The following ELOVL7 variants were observed in gnomAD, a reference collection of about 807,000 sequenced individuals.
ELOVL7 encodes very long chain fatty acid elongase 7.
A neutral mutation model predicts 35.7 loss-of-function variants in ELOVL7; 27 were observed. That is an observed-to-expected ratio of 0.76 (90% CI 0.56 to 1.04). The LOEUF is 1.04. Among genes scored for constraint, ELOVL7 ranks in the 50% least tolerant of loss-of-function variants. The probability of loss-of-function intolerance (pLI) is 0.00; values close to 1 mark genes in which losing one functional copy is unlikely to be tolerated. For missense variants in ELOVL7, 327 were observed against 340.8 expected, an observed-to-expected ratio of 0.96 and a Z score of 0.32; for synonymous variants, 113 against 114.6, an observed-to-expected ratio of 0.99 and a Z score of 0.09.
chr5:60,783,907 CT>C (rs1391293331), intron 3 of ELOVL7, among the ~76,000 whole-genome samples: 2 of 152,122 alleles, frequency 1.3e-5, no homozygotes, highest in Non-Finnish European at 2.9e-5. Context: ...CATGTACCTT[CT>C]TTTTGGCATC....
At chr5:60,788,153 A>G (rs773754741) in intron 2 of ELOVL7, among the ~76,000 whole-genome samples, 4 of 152,236 alleles carry the variant, frequency 2.6e-5, no homozygotes, top group Non-Finnish European at 4.4e-5. Context: ...AACTAAATAC[A>G]CTTGAAAATT....
chr5:60,841,301 C>T (rs1747157364), intron 1 of ELOVL7, among the ~76,000 whole-genome samples: 1 of 152,124 alleles, frequency 6.6e-6, no homozygotes, highest in Admixed American at 6.5e-5. Flanking sequence ...GCTGGGATTA[C>T]AGGGGCGAAC....
At chr5:60,804,153 T>C (rs911322813) in intron 1 of ELOVL7, among the ~76,000 whole-genome samples, 3 of 152,156 alleles carry the variant, frequency 2.0e-5, no homozygotes, top group Admixed American at 6.5e-5. Flanking sequence ...GCCAATGATA[T>C]AGCAACAGGC....
At chr5:60,806,938 TCA>T (rs1395780869) in intron 1 of ELOVL7, among the ~76,000 whole-genome samples, 4 of 152,198 alleles carry the variant, frequency 2.6e-5, no homozygotes, top group Non-Finnish European at 5.9e-5. Flanking sequence ...CCACAGAATT[TCA>T]CAGAGGCAAC....
intron 2 of ELOVL7, among the ~76,000 whole-genome samples, chr5:60,795,829 T>C (rs1198836914): frequency 8.1e-6 from 1 of 123,890 alleles, no homozygotes; most frequent in East Asian, 3.3e-4. Context: ...TTCTCTTCCG[T>C]GACCCACGGC....
Position 60,754,661 on chromosome 5 carries a change from G to A in ELOVL7, c.809C>T (p.Thr270Ile). Reference protein sequence around the residue: ...AYTKGQRLPKTVKNGTCKNKD... With the variant: ...AYTKGQRLPKIVKNGTCKNKD... ...GTTTTTGCAAGTTCCATTTTTCACAGTTTTGGGCAACCTCTGACCTTTGGT... is the reference window on the plus strand; with the variant it reads ...GTTTTTGCAAGTTCCATTTTTCACAATTTTGGGCAACCTCTGACCTTTGGT... Residue 270 changes from threonine to isoleucine, a missense_variant, in exon 9 of 9, where the codon ACT (threonine) becomes ATT (isoleucine). Thr to Ile is a moderately conservative substitution (Grantham distance 89). Coordinates refer to ENST00000508821, the MANE Select transcript of ELOVL7 (RefSeq NM_024930.3). 4 of 1,614,126 alleles carry A rather than the reference G, an allele frequency of 2.5e-6. No individual in the cohort carries two copies. The highest frequency in any genetic ancestry group is 3.4e-6 in the Non-Finnish European group (4 of 1,180,024).
intron 1 of ELOVL7, among the ~76,000 whole-genome samples, chr5:60,824,925 C>T (rs1746083758): frequency 6.6e-6 from 1 of 152,016 alleles, no homozygotes; most frequent in African/African-American, 2.4e-5. Context: ...GCCCTGACTA[C>T]CTCTCTGACC....
rs118185110 is a variant in ELOVL7 at position 60,798,519 on chromosome 5, G to A, written c.-35+661C>T. On this transcript the variant is annotated intron_variant, in intron 2 of 8. Coordinates refer to ENST00000508821, the MANE Select transcript of ELOVL7 (RefSeq NM_024930.3). ...CTAAAATAGTTTTCTACCACCTCAA[G>A]GAATAAAAGTTTGAAATAAAAATAA... Among the ~76,000 whole-genome samples the A allele has an allele frequency of 3.5e-3, 536 of 151,954 alleles. 6 individuals carry two copies. Among genetic ancestry groups the A allele is most frequent in the East Asian group, 0.03 (154 of 5,172 alleles).
At chr5:60,756,902 AAATTAAATATC>A (rs1384827299) in intron 8 of ELOVL7, among the ~76,000 whole-genome samples, 1 of 152,164 alleles carries the variant, frequency 6.6e-6, no homozygotes, top group Non-Finnish European at 1.5e-5. Flanking sequence ...GTCTCCAAAA[AAATTAAATATC>A]ATATATTTTG....
chr5:60,819,580 G>A (rs1344625445), intron 1 of ELOVL7, among the ~76,000 whole-genome samples: 1 of 152,074 alleles, frequency 6.6e-6, no homozygotes, highest in Non-Finnish European at 1.5e-5. Context: ...TCAGGAGTTT[G>A]AGACCAGCCT....
chr5:60,788,618 T>C (rs1048538564), intron 2 of ELOVL7, among the ~76,000 whole-genome samples: 6 of 151,428 alleles, frequency 4.0e-5, no homozygotes, highest in East Asian at 3.9e-4. Flanking sequence ...CTACTAAAAA[T>C]ACAAAAACCA....
intron 1 of ELOVL7, among the ~76,000 whole-genome samples, chr5:60,831,585 A>G (rs1159091144): frequency 1.3e-5 from 2 of 152,220 alleles, no homozygotes; most frequent in Non-Finnish European, 1.5e-5. Context: ...AAATGCTTTC[A>G]AAGAGTTTAC....
intron 1 of ELOVL7, among the ~76,000 whole-genome samples, chr5:60,822,826 T>C (rs2112357937): frequency 6.6e-6 from 1 of 151,558 alleles, no homozygotes; most frequent in East Asian, 1.9e-4. Context: ...AAAACAAAAG[T>C]GGGAAAAATT....
intron 1 of ELOVL7, among the ~76,000 whole-genome samples, chr5:60,842,230 C>T (rs1747215383): frequency 6.6e-6 from 1 of 151,860 alleles, no homozygotes; most frequent in Non-Finnish European, 1.5e-5. Flanking sequence ...CTAGAAGACA[C>T]CATGTAAAAA....
intron 2 of ELOVL7, among the ~76,000 whole-genome samples, chr5:60,797,905 T>C (rs1243017907): frequency 6.6e-6 from 1 of 152,206 alleles, no homozygotes; most frequent in Non-Finnish European, 1.5e-5. Flanking sequence ...CTGAGATAAA[T>C]GCATACCTGA....
chr5:60,786,889 G>A (rs1743629336), intron 3 of ELOVL7, among the ~76,000 whole-genome samples: 1 of 151,828 alleles, frequency 6.6e-6, no homozygotes, highest in Admixed American at 6.6e-5. Context: ...TTGCAGGGAG[G>A]CGGAGGTTGC....
At chr5:60,795,188 G>T (rs1382003154) in intron 2 of ELOVL7, among the ~76,000 whole-genome samples, 1 of 152,128 alleles carries the variant, frequency 6.6e-6, no homozygotes, top group African/African-American at 2.4e-5. Context: ...TGGGGCAGTG[G>T]GATCACAGCC....
At chr5:60,779,231 G>T (rs1032415929) in intron 3 of ELOVL7, among the ~76,000 whole-genome samples, 29 of 152,184 alleles carry the variant, frequency 1.9e-4, no homozygotes, top group African/African-American at 6.8e-4. Flanking sequence ...GCATTTTGGG[G>T]TCTGGAGGAT....
intron 1 of ELOVL7, among the ~76,000 whole-genome samples, chr5:60,825,101 A>G (rs1006052044): frequency 1.3e-5 from 2 of 151,946 alleles, no homozygotes; most frequent in Non-Finnish European, 2.9e-5. Context: ...GACTAAAGGC[A>G]CACACCCAGG....
Sources: allele counts gnomAD v4.1 joint callset (sites outside exome capture counted in the v4.1 genomes callset), GRCh38; gene constraint gnomAD v4.1.1; transcripts MANE v1.5; gene names NCBI Gene and HGNC (gene_info 2026-07-23, HGNC 2026-07-21).